ARL14EPL: variants seen among roughly 807,000 people sequenced by gnomAD.
ARL14EPL encodes ARF like GTPase 14 effector protein like, also known as ARL14 effector protein-like.
A neutral mutation model predicts 15.9 loss-of-function variants in ARL14EPL; 17 were observed. That is an observed-to-expected ratio of 1.07 (90% CI 0.73 to 1.60). ARL14EPL has a LOEUF of 1.60. ARL14EPL is among the 40% of genes most tolerant of loss of function. The probability of loss-of-function intolerance (pLI) is 0.00; values close to 1 mark genes in which losing one functional copy is unlikely to be tolerated. For synonymous variants in ARL14EPL, 78 were observed against 63.8 expected, an observed-to-expected ratio of 1.22 and a Z score of -1.06; for missense variants, 214 against 185.9, an observed-to-expected ratio of 1.15 and a Z score of -0.88.
At chr5:116,058,522 C>T (rs1015051224) in intron 3 of ARL14EPL, among the ~76,000 whole-genome samples, 3 of 152,168 alleles carry the variant, frequency 2.0e-5, no homozygotes, top group South Asian at 2.1e-4. Context: ...CTGAATTTCC[C>T]GTGACGTCAC....
intron 1 of ARL14EPL, among the ~76,000 whole-genome samples, chr5:116,040,770 A>C (rs111517415): frequency 6.7e-6 from 1 of 149,962 alleles, no homozygotes; most frequent in Non-Finnish European, 1.5e-5. Flanking sequence ...TCATATCGAG[A>C]CCATCCTGGC....
chr5:116,051,645 A>T (rs970180486), intron 2 of ARL14EPL, 84 bp downstream of exon 2: 2 of 1,203,842 alleles, frequency 1.7e-6, no homozygotes, highest in East Asian at 2.5e-5. Flanking sequence ...TGTGGGTGGG[A>T]AGGTGGGCCC....
At chr5:116,048,811 T>A (rs1176366025) in intron 1 of ARL14EPL, among the ~76,000 whole-genome samples, 1 of 152,110 alleles carries the variant, frequency 6.6e-6, no homozygotes, top group Non-Finnish European at 1.5e-5. Flanking sequence ...AGGGATGGGA[T>A]ATTATTGGCA....
intron 3 of ARL14EPL, among the ~76,000 whole-genome samples, chr5:116,058,194 CTGT>C (rs2112684387): frequency 6.6e-6 from 1 of 150,888 alleles, no homozygotes; most frequent in African/African-American, 2.4e-5. Context: ...CACTTGGAGA[CTGT>C]TAGCAAAGGT....
intron 1 of ARL14EPL, among the ~76,000 whole-genome samples, chr5:116,038,330 CAT>C (rs1481634742): frequency 6.6e-6 from 1 of 152,152 alleles, no homozygotes; most frequent in African/African-American, 2.4e-5. Context: ...AGCTTGCAAA[CAT>C]AGAAACAGAG....
At chr5:116,047,109 T>C (rs1242164955) in intron 1 of ARL14EPL, among the ~76,000 whole-genome samples, 2 of 152,204 alleles carry the variant, frequency 1.3e-5, no homozygotes, top group Non-Finnish European at 2.9e-5. Flanking sequence ...TAAATGTCTG[T>C]TGTTTAAGCC....
chr5:116,052,360 T>C, intron 2 of ARL14EPL: 1 of 818,626 alleles, frequency 1.2e-6, no homozygotes, highest in Non-Finnish European at 2.1e-6. Flanking sequence ...AATGTTTTTA[T>C]TTAATGAACC....
intron 1 of ARL14EPL, among the ~76,000 whole-genome samples, chr5:116,049,447 T>C (rs1164286524): frequency 3.3e-5 from 5 of 152,232 alleles, no homozygotes; most frequent in Non-Finnish European, 5.9e-5. Context: ...CAAAAACTGA[T>C]GGAGACAAAG....
chr5:116,036,608 C>G (rs908448565), intron 1 of ARL14EPL, among the ~76,000 whole-genome samples: 2 of 152,270 alleles, frequency 1.3e-5, no homozygotes, highest in East Asian at 3.9e-4. Flanking sequence ...TTTCTACTTG[C>G]ATTGAAAAAT....
rs537119816 is a variant in ARL14EPL at position 116,041,707 on chromosome 5, C to T, written c.-10+9202C>T. On this transcript the variant is annotated intron_variant, in intron 1 of 3. Transcript: ENST00000686077. The stretch of plus-strand genomic sequence containing the variant: ...GAAATCTGTAGACTTCTCCTACCTT[C>T]AACTCTTGCTCACAGCAGCTCCATT... 3.9e-3 allele frequency among the ~76,000 whole-genome samples: 599 copies of T among 152,320 alleles called. 8 individuals carry two copies. Among genetic ancestry groups the T allele is most frequent in the African/African-American group, 0.014 (567 of 41,568 alleles).
At chr5:116,056,436 C>A (rs1203340968) in intron 3 of ARL14EPL, among the ~76,000 whole-genome samples, 1 of 152,204 alleles carries the variant, frequency 6.6e-6, no homozygotes, top group Non-Finnish European at 1.5e-5. Context: ...TTGGCTGCAT[C>A]AATGTCTTCT....
intron 2 of ARL14EPL, among the ~76,000 whole-genome samples, chr5:116,053,704 C>A (rs916198503): frequency 6.6e-6 from 1 of 152,176 alleles, no homozygotes; most frequent in East Asian, 1.9e-4. Flanking sequence ...TGATGTGCAT[C>A]CCCATCAGAT....
intron 1 of ARL14EPL, among the ~76,000 whole-genome samples, chr5:116,047,313 C>G (rs563957377): frequency 6.6e-6 from 1 of 152,170 alleles, no homozygotes; most frequent in Non-Finnish European, 1.5e-5. Context: ...AAAGTGCATG[C>G]TTTCCTATTC....
Position 116,045,343 on chromosome 5 carries a change from T to G in ARL14EPL, c.-9-6114T>G, listed in dbSNP as rs547497779. 1.1e-4 allele frequency among the ~76,000 whole-genome samples: 17 copies of G among 152,328 alleles called. No homozygotes were observed. The East Asian group carries it at 3.1e-3, about 28-fold the overall frequency. On this transcript the variant is annotated intron_variant, in intron 1 of 3. Transcript: ENST00000686077. ...GTTTATCAGGAAAATGCTGAATATATTTACCAGGTTAATGCTGAAAATGGC... is the reference window on the plus strand; with the variant it reads ...GTTTATCAGGAAAATGCTGAATATAGTTACCAGGTTAATGCTGAAAATGGC...
chr5:116,041,778 C>G (rs771586980), intron 1 of ARL14EPL, among the ~76,000 whole-genome samples: 1 of 152,202 alleles, frequency 6.6e-6, no homozygotes, highest in South Asian at 2.1e-4. Context: ...AGTTTTTCCC[C>G]GTGCATTTTT....
At chr5:116,045,324 C>A (rs1749243448) in intron 1 of ARL14EPL, among the ~76,000 whole-genome samples, 1 of 152,156 alleles carries the variant, frequency 6.6e-6, no homozygotes. Flanking sequence ...GGATGTTTAT[C>A]AGGAAAATGC....
intron 1 of ARL14EPL, among the ~76,000 whole-genome samples, chr5:116,048,911 T>C (rs1580414475): frequency 6.6e-6 from 1 of 152,232 alleles, no homozygotes; most frequent in African/African-American, 2.4e-5. Context: ...ATTAAATGAA[T>C]TATGATGTCT....
chr5:116,048,180 T>C (rs181378752), intron 1 of ARL14EPL, among the ~76,000 whole-genome samples: 1 of 152,154 alleles, frequency 6.6e-6, no homozygotes, highest in Admixed American at 6.5e-5. Flanking sequence ...ACTTTATGGG[T>C]CTTTCATAGG....
chr5:116,042,959 A>G (rs1749191949), intron 1 of ARL14EPL, among the ~76,000 whole-genome samples: 1 of 151,782 alleles, frequency 6.6e-6, no homozygotes, highest in South Asian at 2.1e-4. Flanking sequence ...ACTGTTTTCT[A>G]TTTTTTTACA....
Sources: allele counts gnomAD v4.1 joint callset (sites outside exome capture counted in the v4.1 genomes callset), GRCh38; gene constraint gnomAD v4.1.1; transcripts MANE v1.5; gene names NCBI Gene and HGNC (gene_info 2026-07-23, HGNC 2026-07-21).